Variants in CSMD1 observed in about 807,000 individuals in gnomAD.
CSMD1 encodes CUB and Sushi multiple domains 1, also known as CUB and sushi domain-containing protein 1.
CSMD1 carries 213 observed loss-of-function variants against 417.5 expected under a neutral mutation model. That is an observed-to-expected ratio of 0.51 (90% confidence interval 0.46 to 0.57). The LOEUF is 0.57. Among genes scored for constraint, CSMD1 ranks in the 20% least tolerant of loss-of-function variants. The pLI is 0.00. For synonymous variants in CSMD1, 2,862 were observed against 1,736.8 expected (o/e 1.65, Z -16.11); for missense variants, 6,923 against 4,529.7 (o/e 1.53, Z -15.17).
In CSMD1 at chr8:4,599,286, T is replaced by C. The variant is rs1427788146; in HGVS notation, c.302+38056A>G. 3.9e-5 allele frequency among the ~76,000 whole-genome samples: 6 copies of C among 152,156 alleles called. No individual in the cohort carries two copies. In the East Asian group the frequency reaches 9.6e-4, roughly 24 times the overall value. Reference sequence around the variant, plus strand: ...AAGCAAGGAGATAAACTGTATACTGTGGTGGATCATGTGGCTTCATTACTG... The same window carrying C: ...AAGCAAGGAGATAAACTGTATACTGCGGTGGATCATGTGGCTTCATTACTG... On this transcript the variant is annotated intron_variant, in intron 2 of 69. Coordinates refer to ENST00000635120, the MANE Select transcript of CSMD1 (RefSeq NM_033225.6).
chr8:4,775,192 A>C (rs1183257957), intron 1 of CSMD1, among the ~76,000 whole-genome samples: 1 of 152,162 alleles, frequency 6.6e-6, no homozygotes, highest in Non-Finnish European at 1.5e-5. Flanking sequence ...CTAGAATTTG[A>C]TTATTTTTTT....
At chr8:3,932,453 C>G (rs987502231) in intron 5 of CSMD1, among the ~76,000 whole-genome samples, 1 of 150,232 alleles carries the variant, frequency 6.7e-6, no homozygotes, top group Admixed American at 6.6e-5. Flanking sequence ...CCAGCCTCAG[C>G]ACGGTAATAA....
chr8:4,357,259 C>A (rs80268317), intron 3 of CSMD1, among the ~76,000 whole-genome samples: 5,377 of 152,178 alleles, frequency 0.035, 223 homozygotes, highest in African/African-American at 0.097. Context: ...GGTTCAGGGA[C>A]TAAAAAGTAA....
chr8:4,243,271 C>A (rs929929272), intron 3 of CSMD1, among the ~76,000 whole-genome samples: 2 of 152,094 alleles, frequency 1.3e-5, no homozygotes, highest in African/African-American at 2.4e-5. Flanking sequence ...CTTACCTAGT[C>A]TCATGAACTA....
chr8:3,686,408 G>T (rs1050621851), intron 7 of CSMD1, among the ~76,000 whole-genome samples: 1 of 152,070 alleles, frequency 6.6e-6, no homozygotes, highest in Non-Finnish European at 1.5e-5. Flanking sequence ...TGCATCCTGC[G>T]TGACTTCTCT....
chr8:4,369,938 C>G (rs1221632752), intron 3 of CSMD1, among the ~76,000 whole-genome samples: 1 of 152,122 alleles, frequency 6.6e-6, no homozygotes, highest in Non-Finnish European at 1.5e-5. Flanking sequence ...AGACATTTAA[C>G]CCATTTACAT....
At chr8:4,656,245 G>A (rs971662081) in intron 1 of CSMD1, among the ~76,000 whole-genome samples, 3 of 152,062 alleles carry the variant, frequency 2.0e-5, no homozygotes, top group African/African-American at 7.3e-5. Context: ...TTAGGAGCCA[G>A]ACTTTCAGGG....
chr8:3,569,952 G>A (rs978616232), intron 10 of CSMD1, among the ~76,000 whole-genome samples: 2 of 152,006 alleles, frequency 1.3e-5, no homozygotes, highest in African/African-American at 4.8e-5. Flanking sequence ...CAAAATAACT[G>A]AAATTTAATG....
At chr8:4,234,878 C>A (rs1315713797) in intron 3 of CSMD1, among the ~76,000 whole-genome samples, 1 of 152,038 alleles carries the variant, frequency 6.6e-6, no homozygotes, top group African/African-American at 2.4e-5. Context: ...AGCTTTTCCT[C>A]GGTGTGTGAA....
intron 2 of CSMD1, among the ~76,000 whole-genome samples, chr8:4,573,035 T>C (rs951030851): frequency 6.6e-6 from 1 of 152,164 alleles, no homozygotes; most frequent in Non-Finnish European, 1.5e-5. Context: ...TTATCAAGGT[T>C]CTTATCTTCC....
intron 3 of CSMD1, among the ~76,000 whole-genome samples, chr8:4,035,659 T>A (rs1797577972): frequency 6.6e-6 from 1 of 152,198 alleles, no homozygotes; most frequent in South Asian, 2.1e-4. Context: ...CTCTTATGAA[T>A]AACAATATAA....
chr8:3,059,280 A>C (rs1812434403), intron 49 of CSMD1, among the ~76,000 whole-genome samples: 1 of 150,632 alleles, frequency 6.6e-6, no homozygotes, highest in South Asian at 2.1e-4. Flanking sequence ...GCCCTTAAAA[A>C]ACCAGGATAA....
At chr8:3,888,557 T>C (rs1026682785) in intron 5 of CSMD1, among the ~76,000 whole-genome samples, 2 of 152,202 alleles carry the variant, frequency 1.3e-5, no homozygotes, top group African/African-American at 2.4e-5. Context: ...TTGTATCAAG[T>C]ACCAGCTGGA....
intron 12 of CSMD1, among the ~76,000 whole-genome samples, chr8:3,443,357 A>G (rs1270809052): frequency 1.3e-5 from 2 of 152,148 alleles, no homozygotes; most frequent in Non-Finnish European, 2.9e-5. Context: ...AGAGAAAGAG[A>G]GCAAGCTACT....
chr8:4,953,741 A>T (rs1808899474), intron 1 of CSMD1, among the ~76,000 whole-genome samples: 1 of 152,128 alleles, frequency 6.6e-6, no homozygotes, highest in Non-Finnish European at 1.5e-5. Context: ...TTGGATGGAG[A>T]TCAATACCTG....
At chr8:3,662,752 C>A (rs1798483827) in intron 7 of CSMD1, among the ~76,000 whole-genome samples, 1 of 152,058 alleles carries the variant, frequency 6.6e-6, no homozygotes, top group Non-Finnish European at 1.5e-5. Context: ...GAAAACCAAA[C>A]CCCGCATGTT....
rs982009700 is a variant in CSMD1 at position 4,041,658 on chromosome 8, T to C, written c.416-9559A>G. On this transcript the variant is annotated intron_variant, in intron 3 of 69. Transcript: ENST00000635120. ...CATAAGAAGAAGAAAACTCAATCAA[T>C]GAAAAGTGAGCCAGAAATAAAACAG... Among the ~76,000 whole-genome samples the C allele has an allele frequency of 8.5e-5, 13 of 152,076 alleles. 1 individual carries two copies. Among genetic ancestry groups the C allele is most frequent in the Middle Eastern group, 6.8e-3 (2 of 294 alleles).
At chr8:4,407,338 A>G (rs1212511742) in intron 3 of CSMD1, among the ~76,000 whole-genome samples, 1 of 152,250 alleles carries the variant, frequency 6.6e-6, no homozygotes, top group Non-Finnish European at 1.5e-5. Context: ...AAACATATAC[A>G]ATAACTTTTT....
intron 7 of CSMD1, among the ~76,000 whole-genome samples, chr8:3,658,498 C>A (rs1388227243): frequency 7.3e-6 from 1 of 136,962 alleles, no homozygotes; most frequent in East Asian, 2.1e-4. Context: ...TAAAGCTTTC[C>A]TTGGTCGGGC....
Sources: gnomAD v4.1 joint callset for allele counts (sites outside exome capture counted in the v4.1 genomes callset) on GRCh38, gnomAD v4.1.1 for gene constraint, MANE v1.5 for transcripts, NCBI Gene and HGNC (gene_info 2026-07-23, HGNC 2026-07-21) for gene names.